TARBP1: variants seen among roughly 807,000 people sequenced by gnomAD.
The protein encoded by TARBP1 is tRNA (guanosine(18)-2'-O)-methyltransferase TARBP1.
In TARBP1, 144 loss-of-function variants were observed where a neutral mutation model predicts 178.6. The observed-to-expected ratio is 0.81, with a 90% CI of 0.70 to 0.93. TARBP1 has a LOEUF of 0.93. Ranked by LOEUF, TARBP1 falls within the 40% of genes least tolerant of loss-of-function variation. The probability of loss-of-function intolerance (pLI) is 0.00; values close to 1 mark genes in which losing one functional copy is unlikely to be tolerated. For missense variants in TARBP1, 2,067 were observed against 2,011.7 expected, an observed-to-expected ratio of 1.03 and a Z score of -0.53; for synonymous variants, 787 against 781.0, an observed-to-expected ratio of 1.01 and a Z score of -0.13.
At chr1:234,467,914 G>A (rs924269224) in intron 3 of TARBP1, among the ~76,000 whole-genome samples, 72 of 152,200 alleles carry the variant, frequency 4.7e-4, no homozygotes, top group African/African-American at 1.7e-3. Flanking sequence ...TTCCTAGCAG[G>A]ACTACAGGTA....
chr1:234,409,073 T>C (rs1404002678), intron 23 of TARBP1, among the ~76,000 whole-genome samples: 1 of 152,160 alleles, frequency 6.6e-6, no homozygotes. Flanking sequence ...TTTATCTAGG[T>C]AACAACGGAC....
chr1:234,442,831 T>C (rs270531), intron 12 of TARBP1, among the ~76,000 whole-genome samples: 81,907 of 152,020 alleles, frequency 0.54, 23,136 homozygotes, highest in African/African-American at 0.71. Context: ...GCCTTCAAGG[T>C]ATCCAATATT....
In TARBP1 at chr1:234,418,187, G is replaced by T. The variant is rs778540761; in HGVS notation, c.3602C>A (p.Thr1201Asn). 3 of 1,553,864 alleles carry T rather than the reference G, an allele frequency of 1.9e-6. No individual in the cohort carries two copies. The South Asian group carries it at 3.9e-5, about 20-fold the overall frequency. The change falls in exon 22 of 30, where the codon ACC becomes AAC. Residue 1201 changes from threonine (T) to asparagine (N), a missense_variant. Transcript: ENST00000040877. Reference protein sequence around the residue: ...IIDRIFQAGFTNNQASIKYFI... With the variant: ...IIDRIFQAGFNNNQASIKYFI... Reference sequence around the variant, plus strand: ...ATATTTTATGGATGCTTGATTGTTGGTGAAACCAGCCTGGAAAATCCTGTC... The same window carrying T: ...ATATTTTATGGATGCTTGATTGTTGTTGAAACCAGCCTGGAAAATCCTGTC...
chr1:234,418,048 T>C (rs1662630342), intron 22 of TARBP1, 36 bp downstream of exon 22: 1 of 1,156,716 alleles, frequency 8.6e-7, no homozygotes, highest in African/African-American at 1.6e-5. Context: ...AATCATGTCT[T>C]AGTTTAAAAA....
intron 28 of TARBP1, among the ~76,000 whole-genome samples, chr1:234,393,004 C>A (rs1332370599): frequency 6.6e-6 from 1 of 152,152 alleles, no homozygotes; most frequent in Admixed American, 6.5e-5. Context: ...CAGGCGTGAG[C>A]CACCGCGCCC....
At chr1:234,437,459 G>A in intron 12 of TARBP1, 87 bp from the exon 13 acceptor site, 1 of 599,924 alleles carries the variant, frequency 1.7e-6, no homozygotes, top group Non-Finnish European at 2.9e-6. Context: ...TGTACAACTG[G>A]GCTAAGCACG....
At position 234,446,923 on chromosome 1, in the gene TARBP1, C is replaced by G. The variant is rs147429044; in HGVS notation, c.2014G>C (p.Asp672His). 3.8e-5 allele frequency: 61 copies of G among 1,613,910 alleles called. No individual in the cohort carries two copies. In the African/African-American group the frequency reaches 6.9e-4, roughly 18 times the overall value. Residue 672 changes from aspartate to histidine, a missense_variant, in exon 12 of 30, where the codon GAT becomes CAT. By Grantham distance (81) the Asp-to-His change is moderately conservative. Transcript: ENST00000040877. ...VLRIFLDPLL[D>H]VLMKFSTNAY... is the part of the protein sequence containing the mutation. ...TTGGTACTAAACTTCATAAGCACAT[C>G]CAGAAGAGGGTCTAAGAATATCCGC...
chr1:234,478,612 C>A lies in TARBP1; in HGVS notation c.492G>T (p.Ala164=), dbSNP rs530350234. The A allele has an allele frequency of 1.7e-5, 22 of 1,303,764 alleles. 1 individual carries two copies. In the South Asian group the frequency reaches 3.9e-4, roughly 23 times the overall value. 80.8% of individuals were successfully genotyped at this position (1,303,764 alleles called of 1,614,324 possible). The change falls in exon 1 of 30, where the codon GCG becomes GCT. Residue 164 remains alanine (A), a synonymous_variant. Coordinates refer to ENST00000040877, the MANE Select transcript of TARBP1 (RefSeq NM_005646.4). ...CCAGCGCCAGGGCGACGGCGGTCCC[C>A]GCCACGCGCTCCAGTAGCGGCCCGT... ...REDGPLLERV[A]GTAVALALGG... is the part of the protein sequence containing the mutation.
intron 12 of TARBP1, 27 bp from the exon 13 acceptor site, chr1:234,437,399 T>A: frequency 8.3e-7 from 1 of 1,207,588 alleles, no homozygotes; most frequent in Non-Finnish European, 1.2e-6. Context: ...AGCATGCAAC[T>A]AAAATGACAG....
Position 234,457,684 on chromosome 1 carries a change from T to C in TARBP1, c.1705A>G (p.Thr569Ala). Reference protein sequence around the residue: ...LRQEESLGRGTSLWTELCDWL... With the variant: ...LRQEESLGRGASLWTELCDWL... ...AATCTCACCTCTGTCCACAATGAAG[T>C]TCCTCGTCCTAAGGATTCCTCTTGT... Residue 569 changes from threonine (T) to alanine (A), a missense_variant, in exon 9 of 30, where the codon ACT (threonine) becomes GCT (alanine). Coordinates refer to ENST00000040877, the MANE Select transcript of TARBP1 (RefSeq NM_005646.4). 6.2e-7 allele frequency: 1 copy of C among 1,607,410 alleles called. No individual in the cohort carries two copies.
chr1:234,465,988 C>T (rs571698111), intron 4 of TARBP1, among the ~76,000 whole-genome samples: 2 of 151,654 alleles, frequency 1.3e-5, no homozygotes, highest in Admixed American at 1.3e-4. Flanking sequence ...AGGAAGGAAG[C>T]CAAAGAAGAA....
intron 17 of TARBP1, 84 bp from the exon 18 acceptor site, chr1:234,427,850 C>T (rs1663957784): frequency 1.0e-6 from 1 of 988,342 alleles, no homozygotes; most frequent in African/African-American, 1.7e-5. Flanking sequence ...TTAGTTTCAA[C>T]ATAATCATGA....
chr1:234,437,472 A>T (rs1665149350), intron 12 of TARBP1, 100 bp from the exon 13 acceptor site: 2 of 556,150 alleles, frequency 3.6e-6, no homozygotes, highest in Non-Finnish European at 6.4e-6. Context: ...TAAGCACGTG[A>T]ATCACTTGCC....
chr1:234,478,825 G>A lies in TARBP1; in HGVS notation c.279C>T (p.Arg93=), dbSNP rs1366532034. The change falls in exon 1 of 30, where the codon CGC becomes CGT. Residue 93 remains arginine, a synonymous_variant. Transcript: ENST00000040877. ...CGCCCGCCGCCCTCAGCACGCGCCG[G>A]CGGTGGCGAGGCTGCAGACTGGGGT... ...GPDPSLQPRH[R]RRVLRAAGAA... The A allele has an allele frequency of 8.4e-7, 1 of 1,185,136 alleles. No individual in the cohort carries two copies. The highest frequency in any genetic ancestry group is 1.0e-6 in the Non-Finnish European group (1 of 960,368). The allele number at this position is 1,185,136 out of a possible 1,614,324, so 73.4% of individuals were successfully genotyped here. A position where few individuals can be genotyped will look rare whatever the true frequency, so the allele number is the denominator to read the frequency against.
intron 18 of TARBP1, 23 bp from the exon 19 acceptor site, chr1:234,427,411 A>G (rs1349663399): frequency 1.3e-6 from 2 of 1,584,454 alleles, no homozygotes; most frequent in South Asian, 1.2e-5. Flanking sequence ...AACATTTGAT[A>G]AAGAACAACA....
At chr1:234,394,988 C>T (rs369766301) in intron 26 of TARBP1, among the ~76,000 whole-genome samples, 7 of 151,402 alleles carry the variant, frequency 4.6e-5, no homozygotes, top group African/African-American at 1.7e-4. Flanking sequence ...CTTTAGGAGG[C>T]CAAGGCGGGA....
At chr1:234,466,737 C>A (rs1421110097) in intron 4 of TARBP1, among the ~76,000 whole-genome samples, 1 of 152,026 alleles carries the variant, frequency 6.6e-6, no homozygotes, top group Admixed American at 6.5e-5. Flanking sequence ...GTGGCACCCA[C>A]CTGTAATCCC....
At chr1:234,418,998 C>T (rs1662759560) in intron 21 of TARBP1, among the ~76,000 whole-genome samples, 1 of 151,954 alleles carries the variant, frequency 6.6e-6, no homozygotes, top group Non-Finnish European at 1.5e-5. Context: ...CGGTGAAACC[C>T]CGTCTCTACT....
chr1:234,453,605 G>A (rs1470434217), intron 9 of TARBP1, among the ~76,000 whole-genome samples: 1 of 151,838 alleles, frequency 6.6e-6, no homozygotes, highest in Non-Finnish European at 1.5e-5. Context: ...ATTTCTATAG[G>A]TTTAAAATTA....
Sources: allele counts gnomAD v4.1 joint callset (sites outside exome capture counted in the v4.1 genomes callset), GRCh38; gene constraint gnomAD v4.1.1; transcripts MANE v1.5; gene names NCBI Gene and HGNC (gene_info 2026-07-23, HGNC 2026-07-21).